The following CTBP2 variants were observed in gnomAD, a reference collection of about 807,000 sequenced individuals.
CTBP2 encodes the protein C-terminal-binding protein 2.
Under a neutral mutation model 80.3 loss-of-function variants are expected in CTBP2, and 30 were observed. The observed-to-expected ratio is 0.37, with a 90% CI of 0.28 to 0.51. CTBP2 has a LOEUF of 0.51. CTBP2 is among the 20% of genes least tolerant of loss of function. The pLI is 0.93. For synonymous variants in CTBP2, 594 were observed against 587.4 expected (o/e 1.01, Z -0.16); for missense variants, 1,212 against 1,375.3 (o/e 0.88, Z 1.88).
chr10:125,077,941 G>A (rs1846525139), intron 2 of CTBP2, among the ~76,000 whole-genome samples: 1 of 152,180 alleles, frequency 6.6e-6, no homozygotes, highest in Non-Finnish European at 1.5e-5. Context: ...GGTGCTGATG[G>A]GGGGAGGTGG....
intron 1 of CTBP2, among the ~76,000 whole-genome samples, chr10:125,121,720 C>A (rs1854352550): frequency 6.6e-6 from 1 of 152,220 alleles, no homozygotes; most frequent in African/African-American, 2.4e-5. Flanking sequence ...CAAACGAATA[C>A]AACAACATCT....
chr10:125,033,152 C>T (rs80106587), intron 3 of CTBP2, among the ~76,000 whole-genome samples: 2,227 of 152,298 alleles, frequency 0.015, 49 homozygotes, highest in African/African-American at 0.05. Flanking sequence ...AACCGGAACA[C>T]GGAAAACAAA....
rs199761917 is a variant in CTBP2 at position 124,984,944 on chromosome 10, T to C, written c.*4574A>G. 2.4e-5 allele frequency: 39 copies of C among 1,613,870 alleles called. No individual in the cohort carries two copies. In the East Asian group the frequency reaches 4.5e-4, roughly 18 times the overall value. On this transcript the variant is annotated 3_prime_UTR_variant, in exon 9 of 9. Transcript: ENST00000309035. ...ACCGCTACCGACAGATCCGGCCGTG[T>C]ACATCCCTGTCTGATGGAGAGGAAG...
intron 1 of CTBP2, among the ~76,000 whole-genome samples, chr10:125,138,770 C>A (rs759842490): frequency 5.9e-5 from 9 of 151,920 alleles, no homozygotes; most frequent in Non-Finnish European, 1.2e-4. Flanking sequence ...GGCTCCAGAA[C>A]TACAGAGTTT....
chr10:125,040,625 CAG>C (rs1554882325), intron 2 of CTBP2, among the ~76,000 whole-genome samples: 1 of 143,060 alleles, frequency 7.0e-6, no homozygotes, highest in Non-Finnish European at 1.6e-5. Context: ...CACACACACA[CAG>C]AAAAAGTGGT....
rs571780001 is a variant in CTBP2, at chr10:125,047,804, CCTAA to C, written c.-101-8653_-101-8650del. Reference sequence around the variant, plus strand: ...ATGAAATGGGGGAAGATTTAATCCTCCTAACTTTTAATTATTTAGCTTACACTTA... The same window carrying C: ...ATGAAATGGGGGAAGATTTAATCCTCCTTTTAATTATTTAGCTTACACTTA... On this transcript the variant is annotated intron_variant, in intron 2 of 10. Transcript: ENST00000337195. Among the ~76,000 whole-genome samples, 54 of 152,262 alleles carry C rather than the reference CCTAA, an allele frequency of 3.5e-4. No individual in the cohort carries two copies. The East Asian group carries it at 9.6e-3, about 27-fold the overall frequency.
intron 2 of CTBP2, among the ~76,000 whole-genome samples, 192 bp from the exon 3 acceptor site, chr10:125,039,347 C>T (rs573239184): frequency 4.6e-5 from 7 of 152,352 alleles, no homozygotes; most frequent in Admixed American, 2.0e-4. Context: ...CTTCTTATCT[C>T]ATAATAGAAA....
intron 4 of CTBP2, among the ~76,000 whole-genome samples, 165 bp from the exon 7 acceptor site, chr10:124,994,848 C>T (rs1441057562): frequency 2.0e-5 from 3 of 152,258 alleles, no homozygotes; most frequent in African/African-American, 7.2e-5. Context: ...GAGCACTGCC[C>T]GCGAGGGGCC....
rs183080326 is a variant in CTBP2 at position 125,026,843 on chromosome 10, G to A, written c.917C>T (p.Thr306Met). Residue 306 changes from threonine to methionine, a missense_variant, in exon 1 of 9, where the codon ACG becomes ATG. Thr to Met is a moderately conservative substitution (Grantham distance 81). Coordinates refer to ENST00000309035, the MANE Select transcript of CTBP2 (RefSeq NM_022802.3). ...GCCCTGCTGCAGTAGGGCTCCCAGC[G>A]TGGCCTCTGCCAGCCCCTCCGCCCG... is the stretch of plus-strand genomic sequence containing the variant. 3.8e-5 allele frequency: 61 copies of A among 1,613,620 alleles called. No individual in the cohort carries two copies. In the East Asian group the frequency reaches 6.5e-4, roughly 17 times the overall value.
chr10:124,999,549 A>T (rs191145047), intron 3 of CTBP2: 1 of 152,212 alleles, frequency 6.6e-6, no homozygotes, highest in South Asian at 2.1e-4. Flanking sequence ...GCTTAGCAAG[A>T]CACACAGCTC....
chr10:125,074,852 G>A (rs1013854801), intron 2 of CTBP2, among the ~76,000 whole-genome samples: 1 of 152,196 alleles, frequency 6.6e-6, no homozygotes, highest in Non-Finnish European at 1.5e-5. Flanking sequence ...ACCTGGCAGA[G>A]AAGTACAATG....
chr10:125,074,502 C>T (rs746433391), intron 2 of CTBP2, among the ~76,000 whole-genome samples: 7 of 152,192 alleles, frequency 4.6e-5, no homozygotes, highest in Non-Finnish European at 8.8e-5. Context: ...TCACAGGCGC[C>T]CGCCATCACA....
intron 2 of CTBP2, among the ~76,000 whole-genome samples, chr10:125,077,166 G>C (rs1846392821): frequency 6.6e-6 from 1 of 152,186 alleles, no homozygotes; most frequent in Non-Finnish European, 1.5e-5. Flanking sequence ...AATGAAATGC[G>C]TGTCAGGCAC....
intron 2 of CTBP2, among the ~76,000 whole-genome samples, chr10:125,085,709 T>G (rs1847870610): frequency 6.6e-6 from 1 of 152,358 alleles, no homozygotes; most frequent in Non-Finnish European, 1.5e-5. Context: ...ACAGGGACTC[T>G]CGCAGCTGGG....
rs931911149 is a variant in CTBP2 at position 125,066,638 on chromosome 10, G to C, written c.-101-27483C>G. ...AGGGTGACACCTGCACAGAAGCCAGGGAGCACAGTGCACCAACCTTCAGTG... is the reference window on the plus strand; with the variant it reads ...AGGGTGACACCTGCACAGAAGCCAGCGAGCACAGTGCACCAACCTTCAGTG... On this transcript the variant is annotated intron_variant, in intron 2 of 10. Transcript: ENST00000337195. This position sits in a 1 kb window ranked among gnomAD's most constrained non-coding sequence, Gnocchi z 4.1. Among the ~76,000 whole-genome samples, 1 of 152,108 alleles carries C rather than the reference G, an allele frequency of 6.6e-6. No homozygotes were observed. The highest frequency in any genetic ancestry group is 2.4e-5 in the African/African-American group (1 of 41,390).
intron 6 of CTBP2, among the ~76,000 whole-genome samples, 182 bp from the exon 9 acceptor site, chr10:124,993,511 G>A (rs890099151): frequency 2.0e-5 from 3 of 152,156 alleles, no homozygotes; most frequent in East Asian, 1.9e-4. Context: ...TCAAAGTTGT[G>A]TAAGAACCGT....
intron 2 of CTBP2, among the ~76,000 whole-genome samples, chr10:125,076,854 A>G (rs1480571984): frequency 6.6e-6 from 1 of 152,182 alleles, no homozygotes; most frequent in Non-Finnish European, 1.5e-5. Context: ...ATGTCCAGAA[A>G]GGTTTCTTCC....
At chr10:125,099,478 TCCC>T (rs965957324) in intron 2 of CTBP2, among the ~76,000 whole-genome samples, 1 of 151,740 alleles carries the variant, frequency 6.6e-6, no homozygotes, top group East Asian at 1.9e-4. Flanking sequence ...CACTCAGCCC[TCCC>T]CCCAAGTTCA....
chr10:125,065,709 A>C (rs1343021271), intron 2 of CTBP2, among the ~76,000 whole-genome samples: 1 of 152,188 alleles, frequency 6.6e-6, no homozygotes, highest in Non-Finnish European at 1.5e-5. Flanking sequence ...AAGAAATCCC[A>C]CTAAATTTAC....
Sources: allele counts gnomAD v4.1 joint callset (sites outside exome capture counted in the v4.1 genomes callset), GRCh38; gene constraint gnomAD v4.1.1; non-coding constraint Gnocchi (gnomAD v3.1); transcripts MANE v1.5; gene names NCBI Gene and HGNC (gene_info 2026-07-23, HGNC 2026-07-21).